The following LMLN variants were observed in gnomAD, a reference collection of about 807,000 sequenced individuals.
LMLN encodes the protein leishmanolysin like peptidase, also known as leishmanolysin-like peptidase.
In LMLN, 70 loss-of-function variants were observed where a neutral mutation model predicts 92.3. That is an observed-to-expected ratio of 0.76 (90% confidence interval 0.63 to 0.92). The LOEUF (loss-of-function observed/expected upper bound fraction) is 0.92, where lower values mean the gene tolerates loss of function less well. Among genes scored for constraint, LMLN ranks in the 40% least tolerant of loss-of-function variants. LMLN has a pLI of 0.00. For synonymous variants in LMLN, 308 were observed against 296.2 expected (o/e 1.04, Z -0.41); for missense variants, 691 against 814.6 (o/e 0.85, Z 1.85).
chr3:197,976,240 C>A, intron 4 of LMLN, 129 bp downstream of exon 4: 1 of 552,934 alleles, frequency 1.8e-6, no homozygotes, highest in East Asian at 3.2e-5. Context: ...GACCTAACTG[C>A]AAGGTATTTA....
At chr3:198,030,532 C>T (rs545124045) in intron 14 of LMLN, among the ~76,000 whole-genome samples, 2 of 152,306 alleles carry the variant, frequency 1.3e-5, no homozygotes, top group Admixed American at 1.3e-4. Context: ...GAACCAGATA[C>T]CTGAGGTATT....
intron 1 of LMLN, among the ~76,000 whole-genome samples, chr3:197,963,269 T>C (rs1252813369): frequency 6.6e-6 from 1 of 151,458 alleles, no homozygotes; most frequent in Non-Finnish European, 1.5e-5. Flanking sequence ...AGTGGCAGAA[T>C]CATAGCTCAC....
At chr3:198,009,824 T>C (rs992008275) in intron 11 of LMLN, among the ~76,000 whole-genome samples, 2 of 152,198 alleles carry the variant, frequency 1.3e-5, no homozygotes, top group African/African-American at 4.8e-5. Context: ...TTTTAATTTG[T>C]AATTTTTGTT....
At chr3:197,979,509 C>T (rs978448116) in intron 5 of LMLN, among the ~76,000 whole-genome samples, 13 of 151,802 alleles carry the variant, frequency 8.6e-5, no homozygotes, top group South Asian at 2.1e-4. Flanking sequence ...AGTGAGACCC[C>T]GTCTATATAT....
intron 8 of LMLN, among the ~76,000 whole-genome samples, chr3:197,987,535 A>G (rs1721747562): frequency 6.6e-6 from 1 of 152,260 alleles, no homozygotes; most frequent in South Asian, 2.1e-4. Context: ...TGAAAGATTT[A>G]TAGGGAAAAT....
At chr3:197,981,979 A>C (rs777610882) in intron 6 of LMLN, among the ~76,000 whole-genome samples, 1 of 151,922 alleles carries the variant, frequency 6.6e-6, no homozygotes, top group Non-Finnish European at 1.5e-5. Context: ...TAATTTTTGT[A>C]TTTTTAATAG....
rs1318116993 is a variant in LMLN at position 198,019,346 on chromosome 3, T to A, written c.1326T>A (p.Asn442Lys). 6.2e-7 allele frequency: 1 copy of A among 1,614,082 alleles called. No individual in the cohort carries two copies. The highest frequency in any genetic ancestry group is 8.5e-7 in the Non-Finnish European group (1 of 1,180,006). The change falls in exon 12 of 16, where the codon AAT becomes AAA. Residue 442 changes from asparagine (N) to lysine (K), a missense_variant. Transcript: ENST00000330198. This position sits in a 1 kb window ranked among gnomAD's most constrained non-coding sequence, Gnocchi z 5.5. ...ACCAGAGAGCAGTTGCCGTGTGTAATTTGCAGAAGTTCCCTAAGCCTTTAC... is the reference window on the plus strand; with the variant it reads ...ACCAGAGAGCAGTTGCCGTGTGTAAATTGCAGAAGTTCCCTAAGCCTTTAC...
chr3:197,990,664 G>A, exon 9 of LMLN: 1 of 1,529,060 alleles, frequency 6.5e-7, no homozygotes, highest in Non-Finnish European at 9.1e-7. Context: ...TCCTGGTAAC[G>A]CCTCGTGTTG....
chr3:197,968,922 T>C (rs1721145753), intron 1 of LMLN, among the ~76,000 whole-genome samples: 1 of 152,244 alleles, frequency 6.6e-6, no homozygotes, highest in Non-Finnish European at 1.5e-5. Flanking sequence ...TAACAGTGTT[T>C]TATTAAGTTA....
At chr3:197,988,691 T>C (rs1233559581) in intron 8 of LMLN, among the ~76,000 whole-genome samples, 3 of 151,930 alleles carry the variant, frequency 2.0e-5, no homozygotes, top group African/African-American at 7.3e-5. Flanking sequence ...ATTTATTTTA[T>C]TATTTTTTGA....
chr3:197,962,571 C>T (rs1163148145), intron 1 of LMLN, among the ~76,000 whole-genome samples: 1 of 152,156 alleles, frequency 6.6e-6, no homozygotes, highest in Non-Finnish European at 1.5e-5. Flanking sequence ...AATACTCTAC[C>T]ATTTTACACC....
intron 1 of LMLN, among the ~76,000 whole-genome samples, chr3:197,968,977 G>C (rs1375135849): frequency 2.6e-5 from 4 of 152,100 alleles, no homozygotes; most frequent in Non-Finnish European, 1.5e-5. Flanking sequence ...CAAATTTATG[G>C]ACATGAAGTT....
intron 1 of LMLN, among the ~76,000 whole-genome samples, chr3:197,960,666 G>C (rs1247643147): frequency 2.0e-5 from 3 of 152,172 alleles, no homozygotes; most frequent in African/African-American, 7.2e-5. Context: ...GTGCTTAGCA[G>C]TAGCCCTCGA....
intron 11 of LMLN, among the ~76,000 whole-genome samples, chr3:198,009,451 A>T (rs148755323): frequency 0.012 from 1,828 of 152,208 alleles, 15 homozygotes; most frequent in Non-Finnish European, 0.017. Context: ...ATCTTTGTCT[A>T]GTTTCTGTAT....
intron 15 of LMLN, among the ~76,000 whole-genome samples, chr3:198,037,163 T>C (rs1723256608): frequency 6.6e-6 from 1 of 152,226 alleles, no homozygotes; most frequent in South Asian, 2.1e-4. Context: ...TACTCATGGC[T>C]AAGATTTGTT....
intron 7 of LMLN, among the ~76,000 whole-genome samples, 198 bp downstream of exon 7, chr3:197,984,246 C>T (rs1236467878): frequency 1.3e-5 from 2 of 151,712 alleles, no homozygotes; most frequent in South Asian, 2.1e-4. Flanking sequence ...GTGCACCTGT[C>T]GTACCAGCTA....
chr3:198,015,030 C>A (rs1388847289), intron 11 of LMLN, among the ~76,000 whole-genome samples: 2 of 147,646 alleles, frequency 1.4e-5, no homozygotes, highest in African/African-American at 5.1e-5. Context: ...CCTTCAGAGC[C>A]CCCTAACTAG....
At chr3:198,018,195 A>G (rs1260819518) in intron 11 of LMLN, among the ~76,000 whole-genome samples, 1 of 152,208 alleles carries the variant, frequency 6.6e-6, no homozygotes, top group Non-Finnish European at 1.5e-5. Context: ...TTAGACAAAA[A>G]ACAGAAATGA....
rs539170644 is a variant in LMLN, at chr3:197,997,567, C to A, written c.1155+1285C>A. Among the ~76,000 whole-genome samples the A allele has an allele frequency of 7.2e-5, 11 of 152,304 alleles. No individual in the cohort carries two copies. The East Asian group carries it at 1.9e-3, about 27-fold the overall frequency. On this transcript the variant is annotated intron_variant, in intron 10 of 15. Transcript: ENST00000330198. ...GTGAGAACCATACAGTAAACACTTG[C>A]ACGCAGAGCCGCTGGCTACACCGAG...
Sources: gnomAD v4.1 joint callset for allele counts (sites outside exome capture counted in the v4.1 genomes callset) on GRCh38, gnomAD v4.1.1 for gene constraint, Gnocchi (gnomAD v3.1) non-coding constraint, MANE v1.5 for transcripts, NCBI Gene and HGNC (gene_info 2026-07-23, HGNC 2026-07-21) for gene names.